The following CCDC178 variants were observed in gnomAD, a reference collection of about 807,000 sequenced individuals.
CCDC178 encodes the protein coiled-coil domain containing 178.
Under a neutral mutation model 117.4 loss-of-function variants are expected in CCDC178, and 126 were observed. The observed-to-expected ratio is 1.07, with a 90% CI of 0.93 to 1.24. The LOEUF (loss-of-function observed/expected upper bound fraction) is 1.24, where lower values mean the gene tolerates loss of function less well. CCDC178 is among the 50% of genes most tolerant of loss of function. The probability of loss-of-function intolerance (pLI) is 0.00; values close to 1 mark genes in which losing one functional copy is unlikely to be tolerated. For missense variants in CCDC178, 1,030 were observed against 986.9 expected, an observed-to-expected ratio of 1.04 and a Z score of -0.59; for synonymous variants, 283 against 313.4, an observed-to-expected ratio of 0.90 and a Z score of 1.02.
At chr18:33,396,829 T>C (rs527731669) in intron 4 of CCDC178, among the ~76,000 whole-genome samples, 1 of 152,218 alleles carries the variant, frequency 6.6e-6, no homozygotes, top group Admixed American at 6.5e-5. Flanking sequence ...GGAACGTCTA[T>C]GTGTGGAGTG....
At chr18:33,355,579 C>T (rs1380223559) in intron 7 of CCDC178, among the ~76,000 whole-genome samples, 1 of 152,098 alleles carries the variant, frequency 6.6e-6, no homozygotes, top group Non-Finnish European at 1.5e-5. Context: ...TTTTTCCAGC[C>T]CTCTGTGTTC....
At chr18:33,357,087 T>G (rs2063067716) in intron 6 of CCDC178, among the ~76,000 whole-genome samples, 2 of 152,160 alleles carry the variant, frequency 1.3e-5, no homozygotes, top group Non-Finnish European at 2.9e-5. Context: ...TGAATTCACC[T>G]ATGACCTGGA....
Position 32,944,676 on chromosome 18 carries a change from C to T in CCDC178, c.2524-6585G>A, listed in dbSNP as rs527319323. 3.9e-5 allele frequency among the ~76,000 whole-genome samples: 6 copies of T among 152,252 alleles called. No individual in the cohort carries two copies. In the East Asian group the frequency reaches 5.8e-4, roughly 15 times the overall value. The stretch of plus-strand genomic sequence containing the variant: ...TGCTCACAACTTGAAACAAAAATAG[C>T]GACATGGTTTGGCTGCGTCCCCACC... On this transcript the variant is annotated intron_variant, in intron 22 of 22. Transcript: ENST00000383096.
chr18:33,046,395 C>T (rs902610516), intron 21 of CCDC178, among the ~76,000 whole-genome samples: 1 of 152,128 alleles, frequency 6.6e-6, no homozygotes, highest in African/African-American at 2.4e-5. Flanking sequence ...AATCCAGTCT[C>T]ATGGTAGCCC....
intron 2 of CCDC178, among the ~76,000 whole-genome samples, chr18:33,413,804 T>C (rs2063892644): frequency 6.6e-6 from 1 of 152,120 alleles, no homozygotes; most frequent in Admixed American, 6.6e-5. Flanking sequence ...CTCTGCCAAA[T>C]GTAGGTGCCC....
At chr18:32,980,756 A>AT (rs1226152173) in intron 21 of CCDC178, among the ~76,000 whole-genome samples, 4 of 152,326 alleles carry the variant, frequency 2.6e-5, no homozygotes, top group African/African-American at 9.6e-5. Context: ...ATTCAAACTC[A>AT]TCATATTGTC....
At chr18:33,164,385 A>T (rs2058503326) in intron 20 of CCDC178, among the ~76,000 whole-genome samples, 1 of 152,062 alleles carries the variant, frequency 6.6e-6, no homozygotes, top group Non-Finnish European at 1.5e-5. Context: ...AAGTGCTGGG[A>T]TAACAGGTAT....
chr18:33,371,818 C>CACACACAT (rs1427770794), intron 5 of CCDC178, among the ~76,000 whole-genome samples: 1 of 149,230 alleles, frequency 6.7e-6, no homozygotes, highest in Non-Finnish European at 1.5e-5. Context: ...CACACACACA[C>CACACACAT]ATATGTAATA....
At chr18:32,961,446 C>T (rs1019066826) in intron 22 of CCDC178, among the ~76,000 whole-genome samples, 12 of 151,996 alleles carry the variant, frequency 7.9e-5, no homozygotes, top group Admixed American at 7.9e-4. Flanking sequence ...TATACTCTTC[C>T]ATCTTTAAAA....
At chr18:33,411,490 A>G (rs1326792653) in intron 3 of CCDC178, among the ~76,000 whole-genome samples, 3 of 152,202 alleles carry the variant, frequency 2.0e-5, no homozygotes, top group Non-Finnish European at 4.4e-5. Context: ...TATCATGCAA[A>G]GATATGACAT....
chr18:33,137,994 C>T (rs958702418), intron 20 of CCDC178, among the ~76,000 whole-genome samples: 11 of 152,098 alleles, frequency 7.2e-5, no homozygotes, highest in African/African-American at 1.4e-4. Flanking sequence ...TTATGCAAGT[C>T]GCTTAATCTC....
At chr18:33,295,491 G>T (rs2062095725) in intron 11 of CCDC178, among the ~76,000 whole-genome samples, 1 of 151,730 alleles carries the variant, frequency 6.6e-6, no homozygotes, top group Admixed American at 6.6e-5. Context: ...CACCCTCAAA[G>T]ACAAAAAGAC....
intron 20 of CCDC178, among the ~76,000 whole-genome samples, chr18:33,138,031 A>G (rs1447067196): frequency 6.6e-6 from 1 of 152,236 alleles, no homozygotes; most frequent in Non-Finnish European, 1.5e-5. Context: ...CACATCTATA[A>G]TATGAAAATA....
chr18:33,035,176 G>C (rs889223839), intron 21 of CCDC178, among the ~76,000 whole-genome samples: 1 of 151,910 alleles, frequency 6.6e-6, no homozygotes, highest in Non-Finnish European at 1.5e-5. Context: ...TAAAGGCAGA[G>C]GAAGTAGGCT....
chr18:33,219,707 T>C (rs796844169), intron 18 of CCDC178, among the ~76,000 whole-genome samples: 20 of 152,002 alleles, frequency 1.3e-4, no homozygotes, highest in African/African-American at 4.3e-4. Context: ...TTCTCACTCA[T>C]AGGTGGGAAT....
chr18:33,116,062 C>G (rs1415730328), intron 20 of CCDC178, among the ~76,000 whole-genome samples: 3 of 152,048 alleles, frequency 2.0e-5, no homozygotes, highest in Middle Eastern at 3.2e-3. Context: ...AATTGCCACA[C>G]TGAGCTTAGC....
intron 11 of CCDC178, among the ~76,000 whole-genome samples, chr18:33,296,351 T>C (rs1229871666): frequency 6.6e-6 from 1 of 151,866 alleles, no homozygotes; most frequent in Non-Finnish European, 1.5e-5. Context: ...GTAGTGGTAG[T>C]TACTGAATCT....
At chr18:33,153,857 T>C (rs1231085034) in intron 20 of CCDC178, among the ~76,000 whole-genome samples, 1 of 151,890 alleles carries the variant, frequency 6.6e-6, no homozygotes, top group East Asian at 1.9e-4. Flanking sequence ...AATTTGTAAA[T>C]AATATATATA....
intron 21 of CCDC178, among the ~76,000 whole-genome samples, chr18:33,038,440 G>A (rs1047534617): frequency 5.3e-5 from 8 of 151,788 alleles, no homozygotes; most frequent in Admixed American, 2.0e-4. Context: ...CTTTCATGTC[G>A]ATAGGTCAGT....
Sources: allele counts gnomAD v4.1 joint callset (sites outside exome capture counted in the v4.1 genomes callset), GRCh38; gene constraint gnomAD v4.1.1; transcripts MANE v1.5; gene names NCBI Gene and HGNC (gene_info 2026-07-23, HGNC 2026-07-21).